The following ABCB4 variants were observed in gnomAD, a reference collection of about 807,000 sequenced individuals.
ABCB4 encodes ATP binding cassette subfamily B member 4.
ABCB4 carries 76 observed loss-of-function variants against 145.7 expected under a neutral mutation model. That is an observed-to-expected ratio of 0.52 (90% confidence interval 0.43 to 0.63). The LOEUF (loss-of-function observed/expected upper bound fraction) is 0.63, where lower values mean the gene tolerates loss of function less well. ABCB4 is among the 30% of genes least tolerant of loss of function. ABCB4 has a pLI of 0.00. For missense variants in ABCB4, 1,234 were observed against 1,553.1 expected, an observed-to-expected ratio of 0.79 and a Z score of 3.45; for synonymous variants, 517 against 566.8, an observed-to-expected ratio of 0.91 and a Z score of 1.25.
At chr7:87,430,776 C>T (rs1307092362) in intron 15 of ABCB4, among the ~76,000 whole-genome samples, 1 of 152,170 alleles carries the variant, frequency 6.6e-6, no homozygotes, top group Non-Finnish European at 1.5e-5. Context: ...ATCTGCCCAC[C>T]TCAGCCTCCC....
chr7:87,381,428 A>T, the ABCB4 span, among the ~76,000 whole-genome samples: 8 of 152,194 alleles, frequency 5.3e-5, no homozygotes, highest in Non-Finnish European at 8.8e-5. Context: ...TGTATAAAAA[A>T]CACAAAATGG....
chr7:87,467,467 A>G (rs60624924), intron 3 of ABCB4, among the ~76,000 whole-genome samples: 45,115 of 151,922 alleles, frequency 0.3, 8,825 homozygotes, highest in African/African-American at 0.56. Context: ...AGACCCCACT[A>G]TCAGCATTAG....
chr7:87,467,589 T>C (rs569268740), intron 3 of ABCB4, among the ~76,000 whole-genome samples: 5 of 152,182 alleles, frequency 3.3e-5, no homozygotes, highest in African/African-American at 9.7e-5. Context: ...CAACAGAATA[T>C]ACATTCTTCT....
intron 22 of ABCB4, among the ~76,000 whole-genome samples, chr7:87,412,733 T>C (rs1204908654): frequency 6.6e-6 from 1 of 152,228 alleles, no homozygotes; most frequent in Non-Finnish European, 1.5e-5. Context: ...GTGAACATGG[T>C]GTTACAAAAC....
chr7:87,417,593 A>T (rs1809076381), intron 20 of ABCB4, 78 bp from the exon 21 acceptor site: 2 of 1,184,622 alleles, frequency 1.7e-6, no homozygotes, highest in Non-Finnish European at 2.5e-6. Flanking sequence ...TCTTGGTCAG[A>T]ATGATGAGTG....
At chr7:87,411,022 C>T (rs1267373439) in intron 23 of ABCB4, among the ~76,000 whole-genome samples, 1 of 152,080 alleles carries the variant, frequency 6.6e-6, no homozygotes, top group Admixed American at 6.5e-5. Flanking sequence ...TACTGCTTAC[C>T]TTAACACTTT....
rs1214501589 is a variant in ABCB4, at chr7:87,449,453, T to G, written c.833+515A>C. On this transcript the variant is annotated intron_variant, in intron 8 of 27. Transcript: ENST00000649586. Reference sequence around the variant, plus strand: ...TTATTTTTTGGTTTTTAAAAAATTTTTACTCTTTTTTTGTGATAGAGGCTC... The same window carrying G: ...TTATTTTTTGGTTTTTAAAAAATTTGTACTCTTTTTTTGTGATAGAGGCTC... Among the ~76,000 whole-genome samples the G allele has an allele frequency of 3.3e-5, 5 of 152,148 alleles. No homozygotes were observed. In the East Asian group the frequency reaches 9.6e-4, roughly 29 times the overall value.
intron 15 of ABCB4, among the ~76,000 whole-genome samples, chr7:87,430,625 A>C (rs567321361): frequency 3.7e-4 from 57 of 152,108 alleles, no homozygotes; most frequent in African/African-American, 1.3e-3. Flanking sequence ...CCCGGATTCA[A>C]GCGATTCTCC....
At chr7:87,395,809 C>G in the ABCB4 span, among the ~76,000 whole-genome samples, 2 of 152,078 alleles carry the variant, frequency 1.3e-5, no homozygotes, top group Admixed American at 1.3e-4. Flanking sequence ...AGACATGTCT[C>G]TAATTCAGGC....
At chr7:87,460,249 C>T (rs2116877628) in intron 4 of ABCB4, among the ~76,000 whole-genome samples, 1 of 152,134 alleles carries the variant, frequency 6.6e-6, no homozygotes, top group South Asian at 2.1e-4. Flanking sequence ...CCAGATGTGG[C>T]CTGGGAGTCT....
intron 1 of ABCB4, 74 bp from the exon 2 acceptor site, chr7:87,475,545 G>T: frequency 6.7e-7 from 1 of 1,488,472 alleles, no homozygotes; most frequent in East Asian, 2.4e-5. Context: ...CGGGGCCCGG[G>T]GGCACTGGGT....
At chr7:87,390,974 G>A in the ABCB4 span, among the ~76,000 whole-genome samples, 2 of 152,122 alleles carry the variant, frequency 1.3e-5, no homozygotes, top group Admixed American at 1.3e-4. Flanking sequence ...ACTTAATAAA[G>A]GTTTTTCATG....
chr7:87,458,518 A>T (rs4148815), intron 4 of ABCB4, among the ~76,000 whole-genome samples: 34,898 of 152,136 alleles, frequency 0.23, 5,335 homozygotes, highest in African/African-American at 0.44. Context: ...AACATCTCTA[A>T]GAGATAAGCT....
At chr7:87,447,799 G>C (rs1210428821) in intron 8 of ABCB4, among the ~76,000 whole-genome samples, 1 of 152,122 alleles carries the variant, frequency 6.6e-6, no homozygotes. Context: ...CACTACTTAT[G>C]GAATATGAGT....
intron 26 of ABCB4, among the ~76,000 whole-genome samples, chr7:87,405,629 G>A (rs1808133286): frequency 6.6e-6 from 1 of 152,072 alleles, no homozygotes; most frequent in South Asian, 2.1e-4. Context: ...GTTTCACCAT[G>A]TTGGCCAGGA....
chr7:87,463,859 T>C (rs928827751), intron 3 of ABCB4, among the ~76,000 whole-genome samples: 1 of 152,216 alleles, frequency 6.6e-6, no homozygotes, highest in Admixed American at 6.5e-5. Context: ...CAAAGGACTT[T>C]GTTACTGTCT....
intron 23 of ABCB4, among the ~76,000 whole-genome samples, chr7:87,411,135 A>AT (rs1429604039): frequency 1.3e-5 from 2 of 151,250 alleles, no homozygotes; most frequent in South Asian, 2.1e-4. Context: ...ATATAGATAC[A>AT]TTTTTTCATG....
chr7:87,376,088 T>G, the ABCB4 span: 29 of 748,770 alleles, frequency 3.9e-5, no homozygotes, highest in Admixed American at 2.1e-4. Context: ...AATATACTTG[T>G]GCCAAATTGA....
At chr7:87,464,811 C>G (rs1217045619) in intron 3 of ABCB4, among the ~76,000 whole-genome samples, 2 of 152,168 alleles carry the variant, frequency 1.3e-5, no homozygotes, top group Non-Finnish European at 2.9e-5. Flanking sequence ...ATGAAAATTT[C>G]TGTTCCTACA....
Sources: gnomAD v4.1 joint callset for allele counts (sites outside exome capture counted in the v4.1 genomes callset) on GRCh38, gnomAD v4.1.1 for gene constraint, MANE v1.5 for transcripts, NCBI Gene and HGNC (gene_info 2026-07-23, HGNC 2026-07-21) for gene names.